DCK: variants seen among roughly 807,000 people sequenced by gnomAD.
DCK encodes the protein deoxycytidine kinase, also known as deoxyadenosine kinase.
A neutral mutation model predicts 38.3 loss-of-function variants in DCK; 23 were observed. That is an observed-to-expected ratio of 0.60 (90% CI 0.43 to 0.85). The LOEUF is 0.85. DCK is among the 40% of genes least tolerant of loss of function. The pLI, the probability that DCK is intolerant of heterozygous loss-of-function variation, is 0.00. For missense variants in DCK, 259 were observed against 304.4 expected (o/e 0.85, Z 1.11); for synonymous variants, 108 against 100.6 (o/e 1.07, Z -0.44).
chr4:71,009,584 G>C (rs1740035858), intron 2 of DCK, among the ~76,000 whole-genome samples: 1 of 152,152 alleles, frequency 6.6e-6, no homozygotes, highest in South Asian at 2.1e-4. Context: ...CTAGCATGCA[G>C]GTGATCCTAT....
At chr4:71,022,842 A>G (rs555279024) in intron 3 of DCK, among the ~76,000 whole-genome samples, 1 of 152,200 alleles carries the variant, frequency 6.6e-6, no homozygotes, top group Admixed American at 6.5e-5. Flanking sequence ...ACCCTTTTAA[A>G]ATTCTCATCT....
intron 2 of DCK, among the ~76,000 whole-genome samples, chr4:71,002,614 A>G (rs181909854): frequency 2.0e-5 from 3 of 152,204 alleles, no homozygotes. Flanking sequence ...GTGGGTTTCT[A>G]AGAACTTGCA....
intron 2 of DCK, 48 bp downstream of exon 2, chr4:70,998,230 G>A (rs372828185): frequency 8.1e-6 from 7 of 862,146 alleles, no homozygotes; most frequent in Non-Finnish European, 1.1e-5. Context: ...GTTTAGAGGA[G>A]CAGTAGTACT....
At chr4:71,023,882 A>C (rs1211154608) in intron 4 of DCK, among the ~76,000 whole-genome samples, 176 bp downstream of exon 4, 1 of 152,122 alleles carries the variant, frequency 6.6e-6, no homozygotes. Flanking sequence ...TTCTCAGCAA[A>C]CTGGAATCCC....
At chr4:71,019,901 C>CT (rs1448566366) in intron 2 of DCK, among the ~76,000 whole-genome samples, 33 of 152,130 alleles carry the variant, frequency 2.2e-4, no homozygotes, top group African/African-American at 8.0e-4. Context: ...ATTCTCCTGT[C>CT]TCAGCCTCCC....
intron 4 of DCK, among the ~76,000 whole-genome samples, chr4:71,024,369 T>G (rs1395290124): frequency 1.3e-5 from 2 of 152,162 alleles, no homozygotes; most frequent in Non-Finnish European, 2.9e-5. Context: ...GAATACAGGA[T>G]GACCAAATAG....
At chr4:71,021,213 C>T (rs1419778473) in intron 2 of DCK, among the ~76,000 whole-genome samples, 5 of 151,374 alleles carry the variant, frequency 3.3e-5, no homozygotes, top group African/African-American at 1.2e-4. Context: ...GTAGCTGGGA[C>T]TACAGGCGCC....
At chr4:71,021,379 AT>A (rs1197073731) in intron 2 of DCK, among the ~76,000 whole-genome samples, 1 of 152,212 alleles carries the variant, frequency 6.6e-6, no homozygotes, top group African/African-American at 2.4e-5. Context: ...CCGGCCTGCT[AT>A]TTCTAACTCA....
At chr4:71,019,901 C>T (rs1553943535) in intron 2 of DCK, among the ~76,000 whole-genome samples, 1 of 152,130 alleles carries the variant, frequency 6.6e-6, no homozygotes, top group Non-Finnish European at 1.5e-5. Context: ...ATTCTCCTGT[C>T]TCAGCCTCCC....
At chr4:71,021,159 T>C (rs1374901693) in intron 2 of DCK, among the ~76,000 whole-genome samples, 2 of 145,782 alleles carry the variant, frequency 1.4e-5, no homozygotes, top group Non-Finnish European at 3.0e-5. Context: ...CACTGCAAGC[T>C]CCGCTTCCCG....
chr4:71,003,920 A>G (rs1016589564), intron 2 of DCK, among the ~76,000 whole-genome samples: 1 of 152,100 alleles, frequency 6.6e-6, no homozygotes, highest in Admixed American at 6.5e-5. Flanking sequence ...AGCTCAGTGG[A>G]GTTTGTTATT....
chr4:71,025,925 C>T lies in DCK; in HGVS notation c.659C>T (p.Thr220Ile), dbSNP rs1740536442. The T allele has an allele frequency of 3.1e-6, 5 of 1,589,806 alleles. No individual in the cohort carries two copies. The highest frequency in any genetic ancestry group is 4.3e-6 in the Non-Finnish European group (5 of 1,171,790). The stretch of plus-strand genomic sequence containing the variant: ...CATGAAAGCTGGCTCCTGCATAGGA[C>T]ACTGAAGTAAGACTTATTTTTATTT... ...YKHESWLLHRTLKTNFDYLQE... is the reference protein window; with the variant it reads ...YKHESWLLHRILKTNFDYLQE... The change falls in exon 5 of 7, where the codon ACA becomes ATA. Residue 220 changes from threonine to isoleucine, a missense_variant. This residue lies in a region of DCK where 82 missense variants were observed against 103.8 expected (regional missense o/e 0.79). Transcript: ENST00000286648.
chr4:71,000,810 T>C (rs1739782926), intron 2 of DCK, among the ~76,000 whole-genome samples: 1 of 152,212 alleles, frequency 6.6e-6, no homozygotes, highest in Non-Finnish European at 1.5e-5. Context: ...ACTCATGATT[T>C]GGTTCTCTGT....
chr4:71,026,937 G>A, intron 6 of DCK, 182 bp downstream of exon 6: 1 of 358,922 alleles, frequency 2.8e-6, no homozygotes, highest in Admixed American at 4.7e-5. Flanking sequence ...TTTGTGGCCT[G>A]AGCTAAAATA....
At position 71,022,472 on chromosome 4, in the gene DCK, A is replaced by G; in HGVS notation, c.313A>G (p.Ile105Val). Residue 105 changes from isoleucine (I) to valine (V), a missense_variant, in exon 3 of 7, where the codon ATA becomes GTA. Ile to Val is a conservative substitution (Grantham distance 29). This residue lies in a region of DCK where 159 missense variants were observed against 159.0 expected (regional missense o/e 1.00). Transcript: ENST00000286648. ...CCAAACATATGCCTGTCTCAGTCGA[A>G]TAAGAGCTCAGCTTGCCTCTCTGAA... ...TFQTYACLSR[I>V]RAQLASLNGK... 6.2e-7 allele frequency: 1 copy of G among 1,610,698 alleles called. No homozygotes were observed. Among genetic ancestry groups the G allele is most frequent in the Non-Finnish European group, 8.5e-7 (1 of 1,178,738 alleles).
At chr4:71,012,249 A>T (rs1021204145) in intron 2 of DCK, among the ~76,000 whole-genome samples, 5 of 152,202 alleles carry the variant, frequency 3.3e-5, no homozygotes, top group African/African-American at 1.2e-4. Flanking sequence ...AGGCTTGGGT[A>T]GGTAAACAAA....
intron 1 of DCK, among the ~76,000 whole-genome samples, chr4:70,997,403 A>C (rs1435057092): frequency 6.6e-6 from 1 of 152,130 alleles, no homozygotes; most frequent in Non-Finnish European, 1.5e-5. Flanking sequence ...TTTATCGTTA[A>C]AAGTTTTTCT....
intron 2 of DCK, among the ~76,000 whole-genome samples, chr4:71,021,710 G>A (rs549355446): frequency 6.6e-6 from 1 of 152,292 alleles, no homozygotes; most frequent in South Asian, 2.1e-4. Flanking sequence ...TATGGGCATG[G>A]TACTGCTTGG....
chr4:71,002,135 A>G (rs1027073195), intron 2 of DCK, among the ~76,000 whole-genome samples: 5 of 152,020 alleles, frequency 3.3e-5, no homozygotes, highest in South Asian at 2.1e-4. Context: ...TCTAAACACT[A>G]CTTTAGCTGT....
Sources: gnomAD v4.1 joint callset for allele counts (sites outside exome capture counted in the v4.1 genomes callset) on GRCh38, gnomAD v4.1.1 for gene constraint, gnomAD v4.1.1 regional missense constraint, MANE v1.5 for transcripts, NCBI Gene and HGNC (gene_info 2026-07-23, HGNC 2026-07-21) for gene names.